Variants in TEP1 observed in about 807,000 individuals in gnomAD.
The protein encoded by TEP1 is telomerase protein component 1.
A neutral mutation model predicts 306.3 loss-of-function variants in TEP1; 241 were observed. The ratio of observed to expected loss-of-function variants is 0.79; its 90% CI spans 0.71 to 0.88. The LOEUF is 0.88. Ranked by LOEUF, TEP1 falls within the 40% of genes least tolerant of loss-of-function variation. The pLI is 0.00. For synonymous variants in TEP1, 1,289 were observed against 1,305.5 expected (o/e 0.99, Z 0.27); for missense variants, 3,051 against 3,276.1 (o/e 0.93, Z 1.68).
intron 12 of TEP1, among the ~76,000 whole-genome samples, chr14:20,393,378 C>G (rs1877896823): frequency 6.6e-6 from 1 of 152,160 alleles, no homozygotes; most frequent in Admixed American, 6.5e-5. Context: ...GTCTTCCCAG[C>G]ACTATCCAAT....
rs567168578 is a variant in TEP1 at position 20,395,446 on chromosome 14, A to G, written c.1928+4T>C. ...CCCTTGGCTCCCAGACAGTGCATAC[A>G]TACCTGGCCTTGTGTACTCTCAGCT... On this transcript the variant is annotated splice_donor_region_variant and intron_variant, in intron 12 of 54. Transcript: ENST00000262715. The G allele has an allele frequency of 1.3e-6, 2 of 1,585,630 alleles. No homozygotes were observed. Among genetic ancestry groups the G allele is most frequent in the African/African-American group, 1.3e-5 (1 of 74,628 alleles).
chr14:20,382,178 G>T, intron 29 of TEP1, 46 bp downstream of exon 29: 2 of 1,613,486 alleles, frequency 1.2e-6, no homozygotes. Context: ...AATGTAATCC[G>T]AACCCTGGCC....
chr14:20,380,812 A>C, intron 33 of TEP1, 119 bp downstream of exon 33: 2 of 881,498 alleles, frequency 2.3e-6, no homozygotes, highest in South Asian at 1.7e-5. Flanking sequence ...CTCGAAATGG[A>C]AATTTGAATC....
intron 9 of TEP1, 77 bp from the exon 10 acceptor site, chr14:20,396,807 T>C: frequency 3.0e-6 from 3 of 1,009,064 alleles, no homozygotes; most frequent in Non-Finnish European, 2.9e-6. Context: ...TAATCTCAGC[T>C]ACCAAGGAGG....
chr14:20,368,703 C>T lies in TEP1; in HGVS notation c.7761+95G>A, dbSNP rs1884620684. On this transcript the variant is annotated intron_variant, in intron 54 of 54. Transcript: ENST00000262715. ...AGAAAACAGAATTTTGATCTTTTGC[C>T]CTTTCTTACTCTAAGTTTGCTGTCT... 7 of 1,529,964 alleles carry T rather than the reference C, an allele frequency of 4.6e-6. No individual in the cohort carries two copies. In the Admixed American group the frequency reaches 5.6e-5, roughly 12 times the overall value. 94.8% of individuals were successfully genotyped at this position (1,529,964 alleles called of 1,614,324 possible). A position where few individuals can be genotyped will look rare whatever the true frequency, so the allele number is the denominator to read the frequency against.
chr14:20,391,916 T>G, intron 12 of TEP1, 149 bp from the exon 13 acceptor site: 1 of 761,716 alleles, frequency 1.3e-6, no homozygotes. Flanking sequence ...CCATTTCTGG[T>G]GTAGAGGACT....
rs1363232492 is a variant in TEP1, at chr14:20,378,189, C to T, written c.5556G>A (p.Val1852=). The T allele has an allele frequency of 6.8e-6, 11 of 1,613,818 alleles. No homozygotes were observed. Among genetic ancestry groups the T allele is most frequent in the Non-Finnish European group, 9.3e-6 (11 of 1,180,034 alleles). ...GASIRTLAFN[V]PGGVVAVGRL... Reference sequence around the variant, plus strand: ...GGCCCACAGCCACAACCCCCCCAGGCACATTGAAGGCCAAGGTACGGATAG... The same window carrying T: ...GGCCCACAGCCACAACCCCCCCAGGTACATTGAAGGCCAAGGTACGGATAG... Residue 1852 remains valine (V), a synonymous_variant, in exon 39 of 55, where the codon GTG becomes GTA. Coordinates refer to ENST00000262715, the MANE Select transcript of TEP1 (RefSeq NM_007110.5).
At chr14:20,393,145 A>T (rs1257420421) in intron 12 of TEP1, among the ~76,000 whole-genome samples, 1 of 151,944 alleles carries the variant, frequency 6.6e-6, no homozygotes, top group East Asian at 1.9e-4. Flanking sequence ...TGAACCCAGG[A>T]GGTGGAGCTT....
Position 20,381,004 on chromosome 14 carries a change from G to C in TEP1, c.4689C>G (p.Thr1563=). ...GNRGLLSKFL[T]NLHVVAAHLE... The stretch of plus-strand genomic sequence containing the variant: ...AGTGTGCAGCCACCACATGGAGGTT[G>C]GTAAGGAACTTCGAAAGAAGTCCAC... The change falls in exon 33 of 55, where the codon ACC becomes ACG. Residue 1563 remains threonine, a synonymous_variant. Transcript: ENST00000262715. The surrounding 1 kb of genome is among the most constrained non-coding windows in gnomAD (Gnocchi z 4.0). 6.2e-7 allele frequency: 1 copy of C among 1,614,110 alleles called. No homozygotes were observed. The highest frequency in any genetic ancestry group is 1.3e-5 in the African/African-American group (1 of 75,024).
At position 20,373,337 on chromosome 14, in the gene TEP1, G is replaced by C. The variant is rs1456667621; in HGVS notation, c.6747C>G (p.Thr2249=). 1.9e-6 allele frequency: 3 copies of C among 1,614,094 alleles called. No homozygotes were observed. In the African/African-American group the frequency reaches 4.0e-5, roughly 22 times the overall value. The change falls in exon 47 of 55, where the codon ACC becomes ACG. Residue 2249 remains threonine (T), a synonymous_variant. Transcript: ENST00000262715. The stretch of plus-strand genomic sequence containing the variant: ...CAGAGGCGGTCAGCATGAGGCCTGA[G>C]GTTTCTGAAACAGCAGCAGCACGGA... ...GPVRAAAVSE[T]SGLMLTASED...
Position 20,380,456 on chromosome 14 carries a change from C to T in TEP1, c.4782G>A (p.Glu1594=), listed in dbSNP as rs1233916717. The T allele has an allele frequency of 6.2e-7, 1 of 1,613,276 alleles. No homozygotes were observed. The highest frequency in any genetic ancestry group is 1.3e-5 in the African/African-American group (1 of 74,906). The change falls in exon 34 of 55, where the codon GAG becomes GAA. Residue 1594 remains glutamate (E), a synonymous_variant. Coordinates refer to ENST00000262715, the MANE Select transcript of TEP1 (RefSeq NM_007110.5). The part of the protein sequence containing the change: ...HALYASSVPK[E]EQKLPEADVA... ...CGTCAGCCTCGGGGAGCTTTTGTTC[C>T]TCTTTGGGGACTGAAGAAGCTATAA... is the stretch of plus-strand genomic sequence containing the variant.
chr14:20,392,202 T>C (rs918895548), intron 12 of TEP1, among the ~76,000 whole-genome samples: 2 of 152,186 alleles, frequency 1.3e-5, no homozygotes, highest in Admixed American at 6.5e-5. Context: ...TAAATAAATA[T>C]AGTTGATAAG....
At chr14:20,370,762 G>A (rs948138260) in intron 51 of TEP1, among the ~76,000 whole-genome samples, 4 of 152,180 alleles carry the variant, frequency 2.6e-5, no homozygotes, top group African/African-American at 9.7e-5. Context: ...TAGCAGGTCA[G>A]GATTTAATAA....
intron 17 of TEP1, 39 bp downstream of exon 17, chr14:20,389,199 A>G (rs1877489660): frequency 1.3e-6 from 2 of 1,599,548 alleles, no homozygotes; most frequent in Non-Finnish European, 1.7e-6. Flanking sequence ...AAACTTTCCA[A>G]CAAAGTATCC....
chr14:20,379,094 A>G lies in TEP1; in HGVS notation c.5139T>C (p.Ser1713=), dbSNP rs1885377576. Residue 1713 remains serine, a synonymous_variant, in exon 36 of 55, where the codon TCT becomes TCC. Coordinates refer to ENST00000262715, the MANE Select transcript of TEP1 (RefSeq NM_007110.5). ...LDLRTWQEEK[S]VVSGCDGISA... Reference sequence around the variant, plus strand: ...AGATTCCATCACAGCCACTCACCACAGACTTCTCCTCCTGCGACAGTGGGT... The same window carrying G: ...AGATTCCATCACAGCCACTCACCACGGACTTCTCCTCCTGCGACAGTGGGT... 1.9e-6 allele frequency: 3 copies of G among 1,614,054 alleles called. No individual in the cohort carries two copies. The highest frequency in any genetic ancestry group is 1.7e-6 in the Non-Finnish European group (2 of 1,180,024).
intron 5 of TEP1, among the ~76,000 whole-genome samples, chr14:20,404,258 G>A (rs1382864583): frequency 6.6e-6 from 1 of 151,246 alleles, no homozygotes; most frequent in East Asian, 1.9e-4. Context: ...GGGAGGCTGA[G>A]GAAGGAGAAT....
At chr14:20,411,937 A>G (rs897628672) in intron 1 of TEP1, among the ~76,000 whole-genome samples, 2 of 151,722 alleles carry the variant, frequency 1.3e-5, no homozygotes, top group African/African-American at 4.8e-5. Flanking sequence ...ACATAGTGAG[A>G]CCTCTATTTA....
At position 20,404,847 on chromosome 14, in the gene TEP1, T is replaced by C. The variant is rs4987230; in HGVS notation, c.871-75A>G. On this transcript the variant is annotated intron_variant, in intron 4 of 54. Coordinates refer to ENST00000262715, the MANE Select transcript of TEP1 (RefSeq NM_007110.5). ...TTTCTGCCCTGAAATTACTTGCTGATTGAGTGTGCCTGTATAAAACCTTTC... is the reference window on the plus strand; with the variant it reads ...TTTCTGCCCTGAAATTACTTGCTGACTGAGTGTGCCTGTATAAAACCTTTC... The C allele has an allele frequency of 9.6e-4, 1,445 of 1,507,104 alleles. 11 individuals carry two copies. In the African/African-American group the frequency reaches 0.017, roughly 18 times the overall value. 93.4% of individuals were successfully genotyped at this position (1,507,104 alleles called of 1,614,324 possible).
intron 2 of TEP1, among the ~76,000 whole-genome samples, chr14:20,407,530 G>A (rs569825555): frequency 5.3e-5 from 8 of 152,108 alleles, no homozygotes; most frequent in Non-Finnish European, 7.4e-5. Flanking sequence ...TGGTAGAGAC[G>A]GGGTTTCACC....
Sources: gnomAD v4.1 joint callset for allele counts (sites outside exome capture counted in the v4.1 genomes callset) on GRCh38, gnomAD v4.1.1 for gene constraint, Gnocchi (gnomAD v3.1) non-coding constraint, MANE v1.5 for transcripts, NCBI Gene and HGNC (gene_info 2026-07-23, HGNC 2026-07-21) for gene names.